STOX1: variants seen among roughly 807,000 people sequenced by gnomAD.
STOX1 encodes storkhead-box protein 1.
Under a neutral mutation model 74.8 loss-of-function variants are expected in STOX1, and 57 were observed. The observed-to-expected ratio is 0.76, with a 90% confidence interval of 0.62 to 0.95. The LOEUF is 0.95. Ranked by LOEUF, STOX1 falls within the 40% of genes least tolerant of loss-of-function variation. STOX1 has a pLI of 0.00. For missense variants in STOX1, 1,010 were observed against 1,117.0 expected (o/e 0.90, Z 1.37); for synonymous variants, 375 against 401.3 (o/e 0.93, Z 0.78).
intron 1 of STOX1, among the ~76,000 whole-genome samples, chr10:68,830,671 C>CT (rs1175004198): frequency 6.6e-6 from 1 of 151,980 alleles, no homozygotes; most frequent in Non-Finnish European, 1.5e-5. Context: ...ATTTTTATTC[C>CT]TTTTTTTAAG....
chr10:68,850,464 A>G (rs1839955659), intron 1 of STOX1, among the ~76,000 whole-genome samples: 1 of 152,214 alleles, frequency 6.6e-6, no homozygotes, highest in Non-Finnish European at 1.5e-5. Flanking sequence ...TGGTTACTTG[A>G]TGGGCCTTCA....
intron 1 of STOX1, among the ~76,000 whole-genome samples, chr10:68,839,441 T>G (rs1839639750): frequency 6.6e-6 from 1 of 152,196 alleles, no homozygotes; most frequent in East Asian, 1.9e-4. Context: ...AAAGCTGGTC[T>G]TGAACCCCTG....
intron 1 of STOX1, among the ~76,000 whole-genome samples, chr10:68,829,889 T>C (rs1839361811): frequency 6.6e-6 from 1 of 152,136 alleles, no homozygotes; most frequent in Non-Finnish European, 1.5e-5. Context: ...TCAGACAGGC[T>C]CGATGAAAAA....
chr10:68,875,332 G>A (rs546219713), intron 1 of STOX1, among the ~76,000 whole-genome samples: 1 of 152,294 alleles, frequency 6.6e-6, no homozygotes, highest in South Asian at 2.1e-4. Flanking sequence ...ATCTGTAACT[G>A]GAAGATTTTA....
At chr10:68,871,809 G>T (rs1840542357) in intron 1 of STOX1, among the ~76,000 whole-genome samples, 1 of 152,166 alleles carries the variant, frequency 6.6e-6, no homozygotes, top group Non-Finnish European at 1.5e-5. Flanking sequence ...TAACACAATA[G>T]ATCTAATTGT....
intron 1 of STOX1, among the ~76,000 whole-genome samples, chr10:68,837,820 CTT>C (rs1839593602): frequency 1.3e-5 from 2 of 152,184 alleles, no homozygotes; most frequent in South Asian, 4.1e-4. Flanking sequence ...TCTGCCTGCC[CTT>C]TTTACTGCAC....
intron 1 of STOX1, among the ~76,000 whole-genome samples, chr10:68,843,402 T>C (rs180762476): frequency 1.6e-3 from 248 of 152,356 alleles, no homozygotes; most frequent in Non-Finnish European, 2.1e-3. Flanking sequence ...TTTTCATTTC[T>C]TTTGGGTGAA....
chr10:68,854,931 T>C (rs1222486851), intron 1 of STOX1, among the ~76,000 whole-genome samples: 2 of 151,946 alleles, frequency 1.3e-5, no homozygotes, highest in Non-Finnish European at 2.9e-5. Flanking sequence ...ATAGCCAGAC[T>C]ATCTCTACAA....
chr10:68,829,285 G>A (rs532068220), intron 1 of STOX1, among the ~76,000 whole-genome samples: 48 of 152,332 alleles, frequency 3.2e-4, no homozygotes, highest in South Asian at 1.9e-3. Flanking sequence ...GACCAGCCTG[G>A]CTAACATGCT....
intron 1 of STOX1, among the ~76,000 whole-genome samples, chr10:68,858,144 T>A (rs1373417914): frequency 2.0e-5 from 3 of 152,078 alleles, no homozygotes; most frequent in Non-Finnish European, 4.4e-5. Flanking sequence ...GGACCTCGCT[T>A]GTTCTGCCTG....
At position 68,885,710 on chromosome 10, in the gene STOX1, G is replaced by A. The variant is rs955208163; in HGVS notation, c.1914G>A (p.Pro638=). 15 of 1,614,100 alleles carry A rather than the reference G, an allele frequency of 9.3e-6. No homozygotes were observed. In the Admixed American group the frequency reaches 1.0e-4, roughly 11 times the overall value. The change falls in exon 3 of 4, where the codon CCG becomes CCA. Residue 638 remains proline, a synonymous_variant. Coordinates refer to ENST00000298596, the MANE Select transcript of STOX1 (RefSeq NM_152709.5). ...FDKLGETKQT[P]HSLPSRGASF... ...AATTAGGGGAGACCAAACAGACTCC[G>A]CATAGTCTGCCATCACGAGGTGCCT...
chr10:68,885,613 G>A lies in STOX1; in HGVS notation c.1817G>A (p.Arg606Lys). 6.2e-7 allele frequency: 1 copy of A among 1,614,222 alleles called. No homozygotes were observed. The highest frequency in any genetic ancestry group is 8.5e-7 in the Non-Finnish European group (1 of 1,180,050). Residue 606 changes from arginine (R) to lysine (K), a missense_variant, in exon 3 of 4, where the codon AGA (arginine) becomes AAA (lysine). Coordinates refer to ENST00000298596, the MANE Select transcript of STOX1 (RefSeq NM_152709.5). ...TGTCCCTTTATGGAAAGCATGTTGA[G>A]ATATGAAGTGTATGGTGGAGAAAAT... is the stretch of plus-strand genomic sequence containing the variant. ...KCCPFMESMLRYEVYGGENEV... is the reference protein window; with the variant it reads ...KCCPFMESMLKYEVYGGENEV...
intron 1 of STOX1, among the ~76,000 whole-genome samples, chr10:68,872,099 T>C (rs1414927998): frequency 6.6e-6 from 1 of 152,042 alleles, no homozygotes; most frequent in East Asian, 1.9e-4. Flanking sequence ...TTTCCCACAG[T>C]GTGATTCAAT....
chr10:68,847,024 T>C (rs1327463416), intron 1 of STOX1: 1 of 152,214 alleles, frequency 6.6e-6, no homozygotes, highest in African/African-American at 2.4e-5. Context: ...TAAATCTTGG[T>C]TTCTAATTCT....
intron 3 of STOX1, among the ~76,000 whole-genome samples, chr10:68,891,478 G>A (rs905519868): frequency 4.6e-5 from 7 of 152,264 alleles, no homozygotes; most frequent in African/African-American, 1.7e-4. Context: ...ACAGTTGATG[G>A]AGAGTAGCAA....
intron 1 of STOX1, among the ~76,000 whole-genome samples, chr10:68,880,164 C>CTTTTTTTTTTTTTTTTT (rs71028800): frequency 5.6e-5 from 7 of 124,412 alleles, no homozygotes; most frequent in African/African-American, 1.4e-4. Flanking sequence ...TCTTTCTTTC[C>CTTTTTTTTTTTTTTTTT]TTTTTTTTTT....
Position 68,827,825 on chromosome 10 carries a change from C to CG in STOX1, c.208dup (p.Val70GlyfsTer36), listed in dbSNP as rs1007575218. Reference sequence around the variant, plus strand: ...GCTGGCCTTCCAGGGCTGGCTGCGGCGGGGGGTGCTGCTGGTGCGCGCGCC... The same window carrying CG: ...GCTGGCCTTCCAGGGCTGGCTGCGGCGGGGGGGTGCTGCTGGTGCGCGCGCC... On this transcript the variant is annotated frameshift_variant, in exon 1 of 4. Coordinates refer to ENST00000298596, the MANE Select transcript of STOX1 (RefSeq NM_152709.5). LOFTEE classifies it high-confidence loss of function. The CG allele has an allele frequency of 1.1e-5, 4 of 359,286 alleles. No individual in the cohort carries two copies. The highest frequency in any genetic ancestry group is 4.8e-4 in the East Asian group (2 of 4,170). 22.3% of individuals were successfully genotyped at this position (359,286 alleles called of 1,614,324 possible). A position where few individuals can be genotyped will look rare whatever the true frequency, so the allele number is the denominator to read the frequency against.
chr10:68,888,709 A>G (rs1463702294), intron 3 of STOX1, among the ~76,000 whole-genome samples: 1 of 132,782 alleles, frequency 7.5e-6, no homozygotes, highest in Non-Finnish European at 1.5e-5. Flanking sequence ...ATCACAGCTC[A>G]CTGCAGCTTC....
chr10:68,864,424 A>C (rs143182947), intron 1 of STOX1, among the ~76,000 whole-genome samples: 1 of 152,218 alleles, frequency 6.6e-6, no homozygotes, highest in Non-Finnish European at 1.5e-5. Context: ...GTTATCTAGA[A>C]TACCCACAAA....
Sources: gnomAD v4.1 joint callset for allele counts (sites outside exome capture counted in the v4.1 genomes callset) on GRCh38, gnomAD v4.1.1 for gene constraint, MANE v1.5 for transcripts, NCBI Gene and HGNC (gene_info 2026-07-23, HGNC 2026-07-21) for gene names.